The following DLG2 variants were observed in gnomAD, a reference collection of about 807,000 sequenced individuals.
DLG2 encodes disks large homolog 2.
Under a neutral mutation model 132.5 loss-of-function variants are expected in DLG2, and 45 were observed. The ratio of observed to expected loss-of-function variants is 0.34; its 90% CI spans 0.27 to 0.44. The LOEUF is 0.44. Ranked by LOEUF, DLG2 falls within the 20% of genes least tolerant of loss-of-function variation. DLG2 has a pLI of 1.00. For missense variants in DLG2, 1,045 were observed against 1,196.9 expected, an observed-to-expected ratio of 0.87 and a Z score of 1.87; for synonymous variants, 424 against 419.6, an observed-to-expected ratio of 1.01 and a Z score of -0.13.
chr11:83,965,436 G>T lies in DLG2; in HGVS notation c.1089C>A (p.His363Gln). Residue 363 changes from histidine to glutamine, a missense_variant, in exon 13 of 28, where the codon CAC becomes CAA. Around this residue, in one of 4 missense-constraint regions of DLG2, gnomAD observed 261 missense variants for 256.1 expected, o/e 1.02. Coordinates refer to ENST00000376104, the MANE Select transcript of DLG2 (RefSeq NM_001142699.3). ...VNNYSLEEVT[H>Q]EEAVAILKNT... is the part of the protein sequence containing the mutation. ...TCTTTAATATTGCTACTGCCTCTTCGTGTGTTACTTCTTCTAAACTGTAGT... is the reference window on the plus strand; with the variant it reads ...TCTTTAATATTGCTACTGCCTCTTCTTGTGTTACTTCTTCTAAACTGTAGT... 6.2e-7 allele frequency: 1 copy of T among 1,610,618 alleles called. No individual in the cohort carries two copies. Among genetic ancestry groups the T allele is most frequent in the Non-Finnish European group, 8.5e-7 (1 of 1,177,938 alleles).
At position 83,787,799 on chromosome 11, in the gene DLG2, G is replaced by A. The variant is rs76689634; in HGVS notation, c.1723-1007C>T. On this transcript the variant is annotated intron_variant, in intron 17 of 27. Transcript: ENST00000376104. The stretch of plus-strand genomic sequence containing the variant: ...TAAAAGCTCCAAACTCTGCCAGGGT[G>A]AAAGGCATTCTTAACTCAAATTTAA... 1.1e-3 allele frequency among the ~76,000 whole-genome samples: 174 copies of A among 152,266 alleles called. 2 individuals carry two copies. In the East Asian group the frequency reaches 0.028, roughly 24 times the overall value.
intron 21 of DLG2, among the ~76,000 whole-genome samples, chr11:83,527,015 T>A (rs2095626529): frequency 6.6e-6 from 1 of 152,218 alleles, no homozygotes; most frequent in African/African-American, 2.4e-5. Flanking sequence ...TGCCTTGTAT[T>A]GGATCTAATA....
At chr11:84,482,422 G>C (rs2099140176) in intron 7 of DLG2, among the ~76,000 whole-genome samples, 1 of 152,224 alleles carries the variant, frequency 6.6e-6, no homozygotes, top group East Asian at 1.9e-4. Context: ...GCAGGTGCAG[G>C]ACTTAAAAAG....
Position 85,146,194 on chromosome 11 carries a change from C to T in DLG2, c.282+8362G>A, listed in dbSNP as rs1448937713. Among the ~76,000 whole-genome samples, 3 of 150,714 alleles carry T rather than the reference C, an allele frequency of 2.0e-5. No homozygotes were observed. The East Asian group carries it at 5.9e-4, about 30-fold the overall frequency. ...TCTCTTCCCTCACTTCTCACTTTCCCCAAACAGAAGTCTGTCTGTATGTCT... is the reference window on the plus strand; with the variant it reads ...TCTCTTCCCTCACTTCTCACTTTCCTCAAACAGAAGTCTGTCTGTATGTCT... On this transcript the variant is annotated intron_variant, in intron 5 of 27. Transcript: ENST00000376104.
At chr11:85,229,556 T>C (rs2152638746) in intron 4 of DLG2, among the ~76,000 whole-genome samples, 1 of 152,216 alleles carries the variant, frequency 6.6e-6, no homozygotes, top group South Asian at 2.1e-4. Flanking sequence ...TGTAAATTAG[T>C]TCAACCACTG....
At chr11:84,816,885 A>T (rs1259475199) in intron 6 of DLG2, among the ~76,000 whole-genome samples, 2 of 151,992 alleles carry the variant, frequency 1.3e-5, no homozygotes, top group Non-Finnish European at 2.9e-5. Context: ...TATATACAAC[A>T]TTTACTGCCA....
chr11:83,574,616 C>A (rs1050318273), intron 19 of DLG2, among the ~76,000 whole-genome samples: 2 of 152,182 alleles, frequency 1.3e-5, no homozygotes, highest in Admixed American at 6.5e-5. Flanking sequence ...ATTATAGGTT[C>A]ACTGTATCCT....
intron 6 of DLG2, among the ~76,000 whole-genome samples, chr11:84,802,742 G>C (rs927253667): frequency 2.6e-5 from 4 of 151,918 alleles, no homozygotes; most frequent in Non-Finnish European, 5.9e-5. Flanking sequence ...CTGTGTTAGG[G>C]GGGATGAAAG....
At chr11:84,494,847 C>T (rs1176391970) in intron 7 of DLG2, among the ~76,000 whole-genome samples, 1 of 152,138 alleles carries the variant, frequency 6.6e-6, no homozygotes, top group Non-Finnish European at 1.5e-5. Context: ...CAAAAGGAGC[C>T]TCCCTGCCCC....
At chr11:84,875,019 C>CAAAAAA (rs563276131) in intron 6 of DLG2, among the ~76,000 whole-genome samples, 1 of 59,872 alleles carries the variant, frequency 1.7e-5, no homozygotes. Context: ...TACTTCATCT[C>CAAAAAA]AAAAAAAAAA....
chr11:84,250,959 C>T (rs1324082727), intron 8 of DLG2, among the ~76,000 whole-genome samples: 2 of 152,180 alleles, frequency 1.3e-5, no homozygotes, highest in African/African-American at 4.8e-5. Context: ...AATTCAGTCT[C>T]TTTTCAGTGA....
In DLG2 at chr11:85,104,938, G is replaced by GA. The variant is rs1364854183; in HGVS notation, c.357+6722_357+6723insT. Among the ~76,000 whole-genome samples, 3 of 146,718 alleles carry GA rather than the reference G, an allele frequency of 2.0e-5. No homozygotes were observed. In the East Asian group the frequency reaches 6.0e-4, roughly 29 times the overall value. On this transcript the variant is annotated intron_variant, in intron 6 of 27. Coordinates refer to ENST00000376104, the MANE Select transcript of DLG2 (RefSeq NM_001142699.3). ...GGAGAAAGAGGTGGGTGAATATTGA[G>GA]GTCCACAAATCAGTCAAGTTGAATA...
intron 18 of DLG2, among the ~76,000 whole-genome samples, chr11:83,719,264 G>A (rs898552890): frequency 2.0e-5 from 3 of 152,152 alleles, no homozygotes; most frequent in Non-Finnish European, 4.4e-5. Flanking sequence ...TTTTCCAGGG[G>A]AGACATCACT....
chr11:85,012,109 G>C (rs1274110174), intron 6 of DLG2, among the ~76,000 whole-genome samples: 5 of 148,618 alleles, frequency 3.4e-5, no homozygotes, highest in Non-Finnish European at 7.4e-5. Context: ...ATCACCTGAG[G>C]TTGGGAGTTC....
intron 7 of DLG2, among the ~76,000 whole-genome samples, chr11:84,388,931 C>T (rs559970520): frequency 3.3e-5 from 5 of 152,198 alleles, no homozygotes; most frequent in Non-Finnish European, 5.9e-5. Flanking sequence ...CCAGTTTTCT[C>T]CCTGAATATT....
chr11:84,825,023 C>G lies in DLG2; in HGVS notation c.357+286638G>C, dbSNP rs555735006. Among the ~76,000 whole-genome samples the G allele has an allele frequency of 8.6e-5, 13 of 151,998 alleles. No individual in the cohort carries two copies. The South Asian group carries it at 2.5e-3, about 29-fold the overall frequency. On this transcript the variant is annotated intron_variant, in intron 6 of 27. Transcript: ENST00000376104. ...AAAATCACTGTGGGTGTGAGAAACACTATTGAAAATCCTACTTATTACCAT... is the reference window on the plus strand; with the variant it reads ...AAAATCACTGTGGGTGTGAGAAACAGTATTGAAAATCCTACTTATTACCAT...
At chr11:83,875,504 T>G (rs2064539938) in intron 15 of DLG2, among the ~76,000 whole-genome samples, 1 of 152,126 alleles carries the variant, frequency 6.6e-6, no homozygotes, top group Non-Finnish European at 1.5e-5. Flanking sequence ...CTTACAACAA[T>G]TTTTCACATT....
At chr11:83,819,079 C>T (rs2049946510) in intron 17 of DLG2, among the ~76,000 whole-genome samples, 1 of 152,086 alleles carries the variant, frequency 6.6e-6, no homozygotes, top group African/African-American at 2.4e-5. Context: ...ATTACAGAGT[C>T]TACTGACTCA....
chr11:83,956,350 G>T (rs2154151954), intron 14 of DLG2, among the ~76,000 whole-genome samples: 1 of 152,328 alleles, frequency 6.6e-6, no homozygotes, highest in Middle Eastern at 3.4e-3. Context: ...CAACTGAGCT[G>T]CTAACATACT....
Sources: gnomAD v4.1 joint callset for allele counts (sites outside exome capture counted in the v4.1 genomes callset) on GRCh38, gnomAD v4.1.1 for gene constraint, gnomAD v4.1.1 regional missense constraint, MANE v1.5 for transcripts, NCBI Gene and HGNC (gene_info 2026-07-23, HGNC 2026-07-21) for gene names.